Variants in PRKCE observed in about 807,000 individuals in gnomAD.
The protein encoded by PRKCE is protein kinase C epsilon.
In PRKCE, 16 loss-of-function variants were observed where a neutral mutation model predicts 85.4. That is an observed-to-expected ratio of 0.19 (90% CI 0.13 to 0.28). The LOEUF is 0.28. PRKCE is among the 10% of genes least tolerant of loss of function. The pLI is 1.00. For synonymous variants in PRKCE, 388 were observed against 371.5 expected, an observed-to-expected ratio of 1.04 and a Z score of -0.51; for missense variants, 573 against 975.2, an observed-to-expected ratio of 0.59 and a Z score of 5.49.
intron 1 of PRKCE, among the ~76,000 whole-genome samples, chr2:45,830,505 G>A (rs1002434084): frequency 1.3e-5 from 2 of 152,162 alleles, no homozygotes; most frequent in African/African-American, 4.8e-5. Context: ...CATAGTAAGA[G>A]ACATAAGGAT....
At chr2:45,970,926 C>T (rs906732419) in intron 2 of PRKCE, among the ~76,000 whole-genome samples, 1 of 150,508 alleles carries the variant, frequency 6.6e-6, no homozygotes, top group African/African-American at 2.4e-5. Context: ...TATATACATA[C>T]ACATATACAT....
At chr2:45,702,953 GC>G in intron 1 of PRKCE, among the ~76,000 whole-genome samples, 1 of 152,188 alleles carries the variant, frequency 6.6e-6, no homozygotes, top group African/African-American at 2.4e-5. Flanking sequence ...AGCTGCTAAG[GC>G]CATAGCTAAC....
chr2:46,080,567 C>G (rs528202459), intron 10 of PRKCE, among the ~76,000 whole-genome samples: 2 of 152,302 alleles, frequency 1.3e-5, no homozygotes, highest in African/African-American at 4.8e-5. Flanking sequence ...ATAATAGGAA[C>G]CCACTATATG....
chr2:46,000,494 G>C (rs941821220), intron 6 of PRKCE, among the ~76,000 whole-genome samples: 17 of 150,904 alleles, frequency 1.1e-4, no homozygotes, highest in Admixed American at 1.1e-3. Flanking sequence ...TGATAAAATA[G>C]TTTCTCCTAA....
chr2:45,719,949 C>T lies in PRKCE; in HGVS notation c.348+67501C>T, dbSNP rs111673620. 1.9e-3 allele frequency among the ~76,000 whole-genome samples: 289 copies of T among 152,198 alleles called. 1 individual carries two copies. Among genetic ancestry groups the T allele is most frequent in the African/African-American group, 6.4e-3 (267 of 41,518 alleles). On this transcript the variant is annotated intron_variant, in intron 1 of 14. Transcript: ENST00000306156. The stretch of plus-strand genomic sequence containing the variant: ...CTAAAAACAACAACAACGACAACAA[C>T]AACAAAATAACAATAGCAACAGAGC...
At chr2:45,892,456 G>A (rs1573773747) in intron 2 of PRKCE, among the ~76,000 whole-genome samples, 1 of 152,114 alleles carries the variant, frequency 6.6e-6, no homozygotes, top group African/African-American at 2.4e-5. Context: ...AAAGTGAAGT[G>A]CATAAATCAT....
chr2:46,144,277 C>G (rs1157057558), intron 11 of PRKCE, among the ~76,000 whole-genome samples: 1 of 152,198 alleles, frequency 6.6e-6, no homozygotes, highest in Non-Finnish European at 1.5e-5. Context: ...ACCTTTCCCC[C>G]ACCCAGCCTG....
intron 2 of PRKCE, among the ~76,000 whole-genome samples, chr2:45,846,123 G>C (rs757925018): frequency 6.6e-6 from 1 of 152,074 alleles, no homozygotes; most frequent in Non-Finnish European, 1.5e-5. Flanking sequence ...TTCTGGTAAG[G>C]GTGGCTCTCC....
At position 45,850,498 on chromosome 2, in the gene PRKCE, T is replaced by C. The variant is rs148364873; in HGVS notation, c.412+7435T>C. Among the ~76,000 whole-genome samples the C allele has an allele frequency of 3.0e-3, 455 of 152,342 alleles. 3 individuals carry two copies. Among genetic ancestry groups the C allele is most frequent in the African/African-American group, 0.01 (426 of 41,578 alleles). On this transcript the variant is annotated intron_variant, in intron 2 of 14. Transcript: ENST00000306156. ...ATTTAATCATTTATTGTTGTTGATG[T>C]CTTCATGATTTGGCTTAAAAGAAAG...
intron 2 of PRKCE, among the ~76,000 whole-genome samples, chr2:45,876,133 A>G (rs1992936): frequency 0.19 from 28,760 of 152,176 alleles, 3,464 homozygotes; most frequent in East Asian, 0.42. Flanking sequence ...ATAAAATATT[A>G]CAGTGGCTCT....
chr2:46,032,184 G>T (rs1161985363), intron 10 of PRKCE, among the ~76,000 whole-genome samples: 1 of 151,974 alleles, frequency 6.6e-6, no homozygotes, highest in Non-Finnish European at 1.5e-5. Context: ...CTTTGTCCAT[G>T]ATCTTACTTT....
chr2:46,171,932 C>G lies in PRKCE; in HGVS notation c.2067+12180C>G, dbSNP rs569922218. Among the ~76,000 whole-genome samples the G allele has an allele frequency of 4.6e-5, 7 of 152,322 alleles. No homozygotes were observed. The East Asian group carries it at 1.3e-3, about 29-fold the overall frequency. ...GGAAACAGAACCCCAGCACAAGGGT[C>G]AAGGTATATATAGGAGGGGACTAGC... On this transcript the variant is annotated intron_variant, in intron 14 of 14. Transcript: ENST00000306156.
chr2:46,157,191 C>T (rs971181288), intron 13 of PRKCE, among the ~76,000 whole-genome samples: 1 of 152,100 alleles, frequency 6.6e-6, no homozygotes, highest in Non-Finnish European at 1.5e-5. Flanking sequence ...TCCCGGAGCC[C>T]CATCTCTTCC....
intron 3 of PRKCE, among the ~76,000 whole-genome samples, chr2:45,977,603 C>T (rs1254799173): frequency 2.0e-5 from 3 of 151,220 alleles, no homozygotes; most frequent in Admixed American, 6.6e-5. Flanking sequence ...CTATACTATA[C>T]TCCAACCTGG....
intron 2 of PRKCE, among the ~76,000 whole-genome samples, chr2:45,970,933 A>G: frequency 6.6e-6 from 1 of 150,920 alleles, no homozygotes; most frequent in East Asian, 1.9e-4. Flanking sequence ...ATACACATAT[A>G]CATACATTTA....
intron 1 of PRKCE, among the ~76,000 whole-genome samples, chr2:45,829,023 C>G (rs1202609448): frequency 7.9e-4 from 3 of 3,800 alleles, no homozygotes; most frequent in African/African-American, 6.0e-3. Flanking sequence ...TATAATTCAA[C>G]AAGTTTTTTT....
intron 11 of PRKCE, among the ~76,000 whole-genome samples, chr2:46,141,651 C>T (rs562329478): frequency 6.6e-6 from 1 of 152,094 alleles, no homozygotes; most frequent in Non-Finnish European, 1.5e-5. Flanking sequence ...CATTGGCTCA[C>T]ATATTGGGAA....
chr2:46,149,725 GTATTTA>G (rs1676423567), intron 12 of PRKCE, among the ~76,000 whole-genome samples: 1 of 15,546 alleles, frequency 6.4e-5, no homozygotes. Context: ...TTATATATAT[GTATTTA>G]TATATATGTA....
chr2:45,747,291 G>C (rs148007978), intron 1 of PRKCE, among the ~76,000 whole-genome samples: 23 of 152,126 alleles, frequency 1.5e-4, no homozygotes, highest in Admixed American at 2.0e-4. Context: ...TTGCATTTTT[G>C]TACATGCACT....
Sources: allele counts gnomAD v4.1 joint callset (sites outside exome capture counted in the v4.1 genomes callset), GRCh38; gene constraint gnomAD v4.1.1; transcripts MANE v1.5; gene names NCBI Gene and HGNC (gene_info 2026-07-23, HGNC 2026-07-21).